HIPK2: variants seen among roughly 807,000 people sequenced by gnomAD.
HIPK2 encodes the protein homeodomain interacting protein kinase 2, also known as homeodomain-interacting protein kinase 2.
HIPK2 carries 27 observed loss-of-function variants against 113.7 expected under a neutral mutation model. The observed-to-expected ratio is 0.24, with a 90% CI of 0.17 to 0.33. HIPK2 has a LOEUF of 0.33. Among genes scored for constraint, HIPK2 ranks in the 10% least tolerant of loss-of-function variants. The pLI is 1.00. For missense variants in HIPK2, 1,257 were observed against 1,588.0 expected (o/e 0.79, Z 3.54); for synonymous variants, 631 against 642.2 (o/e 0.98, Z 0.26).
intron 2 of HIPK2, among the ~76,000 whole-genome samples, chr7:139,646,249 A>C (rs1801218054): frequency 6.6e-6 from 1 of 152,184 alleles, no homozygotes; most frequent in Non-Finnish European, 1.5e-5. Flanking sequence ...CACTGCCAGC[A>C]CTTTGGGAAG....
At chr7:139,635,267 A>C (rs56366802) in intron 2 of HIPK2, among the ~76,000 whole-genome samples, 385 of 152,202 alleles carry the variant, frequency 2.5e-3, no homozygotes, top group Non-Finnish European at 4.6e-3. Context: ...GTAGGTTTGG[A>C]TGTTTGACAC....
intron 2 of HIPK2, among the ~76,000 whole-genome samples, chr7:139,682,426 G>A (rs1802737008): frequency 6.6e-6 from 1 of 152,212 alleles, no homozygotes; most frequent in South Asian, 2.1e-4. Flanking sequence ...GAAGGGCTCT[G>A]TTGAGGCACC....
At chr7:139,622,894 C>G (rs2116849506) in intron 6 of HIPK2, among the ~76,000 whole-genome samples, 1 of 152,298 alleles carries the variant, frequency 6.6e-6, no homozygotes, top group Non-Finnish European at 1.5e-5. Context: ...CTCACGGTCT[C>G]CATGTGACCA....
chr7:139,598,100 G>C (rs910360919), intron 11 of HIPK2, among the ~76,000 whole-genome samples: 23 of 152,126 alleles, frequency 1.5e-4, no homozygotes, highest in Non-Finnish European at 3.4e-4. Context: ...CACATGTCAG[G>C]TGTGGAATTT....
At chr7:139,647,726 G>A (rs1585323266) in intron 2 of HIPK2, among the ~76,000 whole-genome samples, 1 of 152,120 alleles carries the variant, frequency 6.6e-6, no homozygotes, top group African/African-American at 2.4e-5. Context: ...GGCAGCTAGG[G>A]AGATTTTGAA....
intron 2 of HIPK2, among the ~76,000 whole-genome samples, chr7:139,676,149 C>A (rs560206611): frequency 6.6e-6 from 1 of 152,184 alleles, no homozygotes; most frequent in African/African-American, 2.4e-5. Context: ...TAAGTCTTTT[C>A]GGCTTACCAG....
At chr7:139,727,627 T>C (rs1038174356) in intron 1 of HIPK2, among the ~76,000 whole-genome samples, 9 of 152,244 alleles carry the variant, frequency 5.9e-5, no homozygotes, top group African/African-American at 2.2e-4. Flanking sequence ...AGCTGCTAAC[T>C]TGGCCCCAAA....
intron 11 of HIPK2, among the ~76,000 whole-genome samples, chr7:139,599,567 G>C (rs1799347855): frequency 6.6e-6 from 1 of 152,202 alleles, no homozygotes; most frequent in Non-Finnish European, 1.5e-5. Context: ...GGAAAGATTT[G>C]TGTTCTGCTG....
At chr7:139,576,489 A>G (rs551508825) in intron 13 of HIPK2, among the ~76,000 whole-genome samples, 1 of 152,278 alleles carries the variant, frequency 6.6e-6, no homozygotes, top group East Asian at 1.9e-4. Context: ...AGGTGGGTTA[A>G]ACCCTGAGCT....
intron 2 of HIPK2, among the ~76,000 whole-genome samples, chr7:139,634,352 T>G (rs940317383): frequency 6.6e-6 from 1 of 151,970 alleles, no homozygotes; most frequent in Non-Finnish European, 1.5e-5. Flanking sequence ...TTGGCCTTTG[T>G]CTCCTTTGGT....
In HIPK2 at chr7:139,572,894, T is replaced by TC; in HGVS notation, c.*32dup. 1 of 554,278 alleles carries TC rather than the reference T, an allele frequency of 1.8e-6. No individual in the cohort carries two copies. The highest frequency in any genetic ancestry group is 3.0e-5 in the Admixed American group (1 of 33,260). 34.3% of individuals were successfully genotyped at this position (554,278 alleles called of 1,614,324 possible). A position where few individuals can be genotyped will look rare whatever the true frequency, so the allele number is the denominator to read the frequency against. On this transcript the variant is annotated 3_prime_UTR_variant, in exon 15 of 15. Transcript: ENST00000406875. ...CTCCCTCCTCCCTCGGGCCATTCTC[T>TC]CCCTCCCTCCCTCCCTCCCTCCCCT...
intron 13 of HIPK2, among the ~76,000 whole-genome samples, chr7:139,576,929 G>T (rs1457712655): frequency 6.6e-6 from 1 of 152,148 alleles, no homozygotes; most frequent in African/African-American, 2.4e-5. Flanking sequence ...AAGCAGAAGA[G>T]ATGCTTTACT....
At chr7:139,730,364 CTT>C (rs762755336) in intron 1 of HIPK2, among the ~76,000 whole-genome samples, 16 of 144,448 alleles carry the variant, frequency 1.1e-4, no homozygotes, top group Admixed American at 6.9e-5. Context: ...TTTTTTCTCT[CTT>C]TTTTTTTTTT....
At chr7:139,732,794 AATATAT>A (rs1046727894) in intron 1 of HIPK2, among the ~76,000 whole-genome samples, 18 of 144,482 alleles carry the variant, frequency 1.2e-4, no homozygotes, top group Non-Finnish European at 2.5e-4. Flanking sequence ...TATAACATAT[AATATAT>A]ATAACATATT....
chr7:139,713,634 T>C (rs1795134868), intron 2 of HIPK2, among the ~76,000 whole-genome samples: 1 of 152,250 alleles, frequency 6.6e-6, no homozygotes, highest in Non-Finnish European at 1.5e-5. Flanking sequence ...TGAATGTTAA[T>C]AACACTGGTA....
chr7:139,773,496 G>A (rs1796687767), intron 1 of HIPK2, among the ~76,000 whole-genome samples: 1 of 152,112 alleles, frequency 6.6e-6, no homozygotes, highest in Non-Finnish European at 1.5e-5. Context: ...GAAAGCACAG[G>A]CGAATTACAC....
At chr7:139,598,203 T>G (rs1392365761) in intron 11 of HIPK2, among the ~76,000 whole-genome samples, 6 of 152,230 alleles carry the variant, frequency 3.9e-5, no homozygotes, top group African/African-American at 9.6e-5. Flanking sequence ...GTAGTATCTA[T>G]GCAGTGAGAG....
intron 11 of HIPK2, among the ~76,000 whole-genome samples, chr7:139,597,866 G>A (rs1194289011): frequency 6.6e-6 from 1 of 152,158 alleles, no homozygotes; most frequent in Non-Finnish European, 1.5e-5. Context: ...CTCTGGCACA[G>A]GGTGAACATC....
chr7:139,644,048 C>T (rs1801123436), intron 2 of HIPK2, among the ~76,000 whole-genome samples: 1 of 152,170 alleles, frequency 6.6e-6, no homozygotes, highest in South Asian at 2.1e-4. Flanking sequence ...AGAATGTGCT[C>T]AACAAATGTT....
Sources: gnomAD v4.1 joint callset for allele counts (sites outside exome capture counted in the v4.1 genomes callset) on GRCh38, gnomAD v4.1.1 for gene constraint, MANE v1.5 for transcripts, NCBI Gene and HGNC (gene_info 2026-07-23, HGNC 2026-07-21) for gene names.